The following SORCS2 variants were observed in gnomAD, a reference collection of about 807,000 sequenced individuals.
SORCS2 encodes VPS10 domain-containing receptor SorCS2.
SORCS2 carries 100 observed loss-of-function variants against 141.6 expected under a neutral mutation model. That is an observed-to-expected ratio of 0.71 (90% CI 0.60 to 0.83). The LOEUF is 0.83. Ranked by LOEUF, SORCS2 falls within the 40% of genes least tolerant of loss-of-function variation. The probability of loss-of-function intolerance (pLI) is 0.00; values close to 1 mark genes in which losing one functional copy is unlikely to be tolerated. For missense variants in SORCS2, 1,646 were observed against 1,560.2 expected (o/e 1.05, Z -0.93); for synonymous variants, 789 against 676.9 (o/e 1.17, Z -2.57).
chr4:7,724,468 ATGGTGATGGTGG>A (rs1560113830), intron 19 of SORCS2, among the ~76,000 whole-genome samples: 1 of 31,224 alleles, frequency 3.2e-5, no homozygotes, highest in African/African-American at 1.4e-4. Flanking sequence ...GGTGGTGGTG[ATGGTGATGGTGG>A]TGATGGTGGT....
Position 7,637,664 on chromosome 4 carries a change from C to T in SORCS2, c.649-664C>T, listed in dbSNP as rs568773671. 5.9e-4 allele frequency among the ~76,000 whole-genome samples: 89 copies of T among 151,988 alleles called. 1 individual carries two copies. The South Asian group carries it at 8.5e-3, about 15-fold the overall frequency. ...GCTGCCATTTCTGCAGCACCCCCTCCCTGGTGTGTGGGGGGGCCCAGCCCA... is the reference window on the plus strand; with the variant it reads ...GCTGCCATTTCTGCAGCACCCCCTCTCTGGTGTGTGGGGGGGCCCAGCCCA... On this transcript the variant is annotated intron_variant, in intron 3 of 26. Coordinates refer to ENST00000507866, the MANE Select transcript of SORCS2 (RefSeq NM_020777.3).
chr4:7,341,930 T>C (rs776739177), intron 1 of SORCS2, among the ~76,000 whole-genome samples: 5 of 152,236 alleles, frequency 3.3e-5, no homozygotes, highest in Non-Finnish European at 5.9e-5. Context: ...AGATATTTTA[T>C]GTTGATAGAA....
chr4:7,567,744 A>G (rs575078081), intron 3 of SORCS2, among the ~76,000 whole-genome samples: 382 of 152,334 alleles, frequency 2.5e-3, no homozygotes, highest in Non-Finnish European at 3.3e-3. Context: ...CCTTGAGAGC[A>G]GAGGACCTGC....
At chr4:7,702,832 C>A (rs1291597076) in intron 12 of SORCS2, among the ~76,000 whole-genome samples, 1 of 152,250 alleles carries the variant, frequency 6.6e-6, no homozygotes, top group Non-Finnish European at 1.5e-5. Flanking sequence ...AGAGGCCACT[C>A]CCCACTCAGT....
rs557071265 is a variant in SORCS2, at chr4:7,532,303, G to A, written c.648+674G>A. Among the ~76,000 whole-genome samples, 6 of 152,240 alleles carry A rather than the reference G, an allele frequency of 3.9e-5. No homozygotes were observed. In the South Asian group the frequency reaches 1.2e-3, roughly 32 times the overall value. ...CAAAGCAGTTCACGGTCACAGAAAG[G>A]GACTCAGACCAGTGTTTGCATCCCA... On this transcript the variant is annotated intron_variant, in intron 3 of 26. Coordinates refer to ENST00000507866, the MANE Select transcript of SORCS2 (RefSeq NM_020777.3).
chr4:7,715,355 G>C (rs1255339851), intron 17 of SORCS2, 44 bp downstream of exon 17: 1 of 1,605,516 alleles, frequency 6.2e-7, no homozygotes, highest in African/African-American at 1.3e-5. Context: ...TCCGGGGGCA[G>C]AGCTGTGGTG....
chr4:7,437,949 G>C lies in SORCS2; in HGVS notation c.548+41594G>C, dbSNP rs1054118414. The stretch of plus-strand genomic sequence containing the variant: ...CGTAATTTTTTTATAACCTTCGAGC[G>C]TAGGTGGAGACATTGTATCTCTTTA... On this transcript the variant is annotated intron_variant, in intron 2 of 26. Transcript: ENST00000507866. 3.3e-5 allele frequency among the ~76,000 whole-genome samples: 5 copies of C among 152,258 alleles called. 1 individual carries two copies. The highest frequency in any genetic ancestry group is 3.3e-4 in the Admixed American group (5 of 15,300).
At position 7,249,689 on chromosome 4, in the gene SORCS2, C is replaced by T. The variant is rs145568880; in HGVS notation, c.480+56563C>T. On this transcript the variant is annotated intron_variant, in intron 1 of 26. Coordinates refer to ENST00000507866, the MANE Select transcript of SORCS2 (RefSeq NM_020777.3). ...TTACAGATGAGGAACTAAAGGTGGA[C>T]GGGGAAGTAACTTGCTCAAGCCCTC... Among the ~76,000 whole-genome samples the T allele has an allele frequency of 6.9e-3, 1,054 of 152,224 alleles. 14 individuals carry two copies. Among genetic ancestry groups the T allele is most frequent in the African/African-American group, 0.024 (1,004 of 41,512 alleles).
chr4:7,682,776 CA>C lies in SORCS2; in HGVS notation c.1381del (p.Ile461LeufsTer5). On this transcript the variant is annotated frameshift_variant, in exon 10 of 27. Transcript: ENST00000507866. LOFTEE classifies it high-confidence loss of function. ...GGTGAAAGGAGTCTTCCTGGCAAAC[CA>C]AAAAATTGATGGGAAAGTGATGACG... ...RGVKGVFLAN[Q>X]KIDGKVMTLI... The C allele has an allele frequency of 1.2e-6, 2 of 1,611,914 alleles. No homozygotes were observed. Among genetic ancestry groups the C allele is most frequent in the South Asian group, 1.1e-5 (1 of 90,496 alleles).
chr4:7,247,098 C>G (rs763597121), intron 1 of SORCS2, among the ~76,000 whole-genome samples: 1 of 152,196 alleles, frequency 6.6e-6, no homozygotes, highest in Non-Finnish European at 1.5e-5. Context: ...GTGGGCCTAC[C>G]TGACCTGATT....
chr4:7,525,538 T>A (rs1305565159), intron 2 of SORCS2, among the ~76,000 whole-genome samples: 1 of 151,978 alleles, frequency 6.6e-6, no homozygotes, highest in Non-Finnish European at 1.5e-5. Flanking sequence ...CTGAGCAGTG[T>A]CACTCCATCT....
intron 1 of SORCS2, among the ~76,000 whole-genome samples, chr4:7,209,316 CAT>C (rs1727923924): frequency 6.6e-6 from 1 of 152,200 alleles, no homozygotes; most frequent in Non-Finnish European, 1.5e-5. Context: ...TGCTTGTCTT[CAT>C]ATCTTTGTAT....
chr4:7,266,583 G>A (rs565152364), intron 1 of SORCS2, among the ~76,000 whole-genome samples: 1 of 152,294 alleles, frequency 6.6e-6, no homozygotes, highest in South Asian at 2.1e-4. Context: ...TCCACAGCCT[G>A]TTAGCTGTGA....
Position 7,718,003 on chromosome 4 carries a change from T to C in SORCS2, c.2253-9T>C. 1.9e-6 allele frequency: 3 copies of C among 1,596,532 alleles called. No individual in the cohort carries two copies. Among genetic ancestry groups the C allele is most frequent in the Non-Finnish European group, 2.6e-6 (3 of 1,170,726 alleles). On this transcript the variant is annotated splice_polypyrimidine_tract_variant and intron_variant, in intron 17 of 26. Coordinates refer to ENST00000507866, the MANE Select transcript of SORCS2 (RefSeq NM_020777.3). Reference sequence around the variant, plus strand: ...TGAAGCGGACCCTGACCCTCTCTTGTCAATCCAGGTACCGGAAAGTGGTGT... The same window carrying C: ...TGAAGCGGACCCTGACCCTCTCTTGCCAATCCAGGTACCGGAAAGTGGTGT...
chr4:7,566,504 AACTG>A (rs1162845711), intron 3 of SORCS2, among the ~76,000 whole-genome samples: 2 of 152,234 alleles, frequency 1.3e-5, no homozygotes, highest in Non-Finnish European at 2.9e-5. Flanking sequence ...CAGATGAGGA[AACTG>A]ACTATCAGAG....
chr4:7,253,456 C>T (rs1487436033), intron 1 of SORCS2, among the ~76,000 whole-genome samples: 1 of 152,220 alleles, frequency 6.6e-6, no homozygotes. Context: ...CCAGGCCCAG[C>T]GAAGGCACTA....
intron 1 of SORCS2, among the ~76,000 whole-genome samples, chr4:7,219,690 A>T (rs1026305346): frequency 6.6e-6 from 1 of 152,230 alleles, no homozygotes; most frequent in East Asian, 1.9e-4. Flanking sequence ...AAACCACCCC[A>T]TGATCCAACC....
intron 3 of SORCS2, among the ~76,000 whole-genome samples, chr4:7,612,451 C>G (rs1024360696): frequency 1.3e-5 from 2 of 152,164 alleles, no homozygotes; most frequent in Non-Finnish European, 2.9e-5. Context: ...GGGTTCATCT[C>G]CATCTCCTTA....
At chr4:7,507,670 G>A (rs774205124) in intron 2 of SORCS2, among the ~76,000 whole-genome samples, 1 of 152,152 alleles carries the variant, frequency 6.6e-6, no homozygotes, top group Non-Finnish European at 1.5e-5. Context: ...ACGGACAGAC[G>A]CTGGGAAGGA....
Sources: gnomAD v4.1 joint callset for allele counts (sites outside exome capture counted in the v4.1 genomes callset) on GRCh38, gnomAD v4.1.1 for gene constraint, MANE v1.5 for transcripts, NCBI Gene and HGNC (gene_info 2026-07-23, HGNC 2026-07-21) for gene names.